Variants in TCF20 observed in about 807,000 individuals in gnomAD.
TCF20 encodes transcription factor 20.
In TCF20, 3 loss-of-function variants were observed where a neutral mutation model predicts 148.6. The observed-to-expected ratio is 0.02, with a 90% CI of 0.01 to 0.05. TCF20 has a LOEUF of 0.05. Among genes scored for constraint, TCF20 ranks in the 10% least tolerant of loss-of-function variants. The pLI is 1.00. For missense variants in TCF20, 2,350 were observed against 2,429.3 expected, an observed-to-expected ratio of 0.97 and a Z score of 0.69; for synonymous variants, 1,049 against 909.5, an observed-to-expected ratio of 1.15 and a Z score of -2.76.
intron 1 of TCF20, among the ~76,000 whole-genome samples, chr22:42,330,848 T>C (rs1927961120): frequency 6.6e-6 from 1 of 152,204 alleles, no homozygotes; most frequent in Non-Finnish European, 1.5e-5. Context: ...ATGGGGAAAC[T>C]GAGGCCTAGG....
intron 1 of TCF20, among the ~76,000 whole-genome samples, chr22:42,250,600 A>C (rs997678003): frequency 2.0e-5 from 3 of 152,134 alleles, no homozygotes; most frequent in Non-Finnish European, 4.4e-5. Flanking sequence ...TCATCAAAAG[A>C]CCTAGTTTGT....
intron 1 of TCF20, among the ~76,000 whole-genome samples, chr22:42,328,413 G>A (rs1236636404): frequency 6.6e-6 from 1 of 152,168 alleles, no homozygotes; most frequent in Non-Finnish European, 1.5e-5. Flanking sequence ...TGTGGAGGCA[G>A]CTCAGCTCTA....
chr22:42,187,102 C>G (rs1330641212), intron 2 of TCF20, among the ~76,000 whole-genome samples: 1 of 152,206 alleles, frequency 6.6e-6, no homozygotes, highest in Non-Finnish European at 1.5e-5. Flanking sequence ...CCTGTCCCTA[C>G]TCACATTAAT....
chr22:42,166,477 G>A (rs1352981897), intron 5 of TCF20, among the ~76,000 whole-genome samples: 2 of 152,132 alleles, frequency 1.3e-5, no homozygotes, highest in Admixed American at 6.5e-5. Context: ...GCGTGGTGGT[G>A]CACACCTGTA....
chr22:42,314,131 C>T lies in TCF20; in HGVS notation c.-37+29348G>A, dbSNP rs1256913237. ...CCCCGTTCCTGAGGCTGGGGCTGCC[C>T]TATAGGGGCCCCTTGTGGCCACTCC... On this transcript the variant is annotated intron_variant, in intron 1 of 1. Transcript: ENST00000515426. Among the ~76,000 whole-genome samples the T allele has an allele frequency of 2.0e-4, 31 of 152,172 alleles. 1 individual carries two copies. The highest frequency in any genetic ancestry group is 2.0e-3 in the Admixed American group (31 of 15,284).
Position 42,212,447 on chromosome 22 carries a change from A to C in TCF20, c.2859T>G (p.Pro953=). The change falls in exon 2 of 6, where the codon CCT becomes CCG. Residue 953 remains proline (P), a synonymous_variant. Transcript: ENST00000677622. Reference sequence around the variant, plus strand: ...GGTAAGACTCATGCTTGATGCTAGGAGGATGGCAGTGGTCTCCAGATTTCT... The same window carrying C: ...GGTAAGACTCATGCTTGATGCTAGGCGGATGGCAGTGGTCTCCAGATTTCT... ...NNKKSGDHCH[P]PSIKHESYRG... is the part of the protein sequence containing the mutation. The C allele has an allele frequency of 1.9e-6, 3 of 1,614,198 alleles. No homozygotes were observed. The highest frequency in any genetic ancestry group is 2.5e-6 in the Non-Finnish European group (3 of 1,180,044).
chr22:42,213,869 C>G lies in TCF20; in HGVS notation c.1437G>C (p.Leu479=), dbSNP rs376319685. ...TCTTGGAGGTCTTCTTCTGAGGAGT[C>G]AGGGCATCAGAAAGTAACATGTGCT... ...TVQHMLLSDA[L]TPQKKTSKRP... is the part of the protein sequence containing the mutation. Residue 479 remains leucine, a synonymous_variant, in exon 2 of 6, where the codon CTG becomes CTC. Coordinates refer to ENST00000677622, the MANE Select transcript of TCF20 (RefSeq NM_001378418.1). 6.2e-7 allele frequency: 1 copy of G among 1,614,184 alleles called. No homozygotes were observed. Among genetic ancestry groups the G allele is most frequent in the Non-Finnish European group, 8.5e-7 (1 of 1,180,036 alleles).
chr22:42,324,555 T>C (rs571298394), intron 1 of TCF20, among the ~76,000 whole-genome samples: 4 of 150,646 alleles, frequency 2.7e-5, no homozygotes, highest in Non-Finnish European at 5.9e-5. Context: ...TCTCCACCAT[T>C]TGAGAAAATA....
At chr22:42,296,056 G>A (rs544587780) in intron 1 of TCF20, among the ~76,000 whole-genome samples, 13 of 152,316 alleles carry the variant, frequency 8.5e-5, no homozygotes, top group African/African-American at 2.4e-4. Context: ...TTCCTCATCC[G>A]TAAAATGGGG....
intron 1 of TCF20, among the ~76,000 whole-genome samples, chr22:42,309,250 G>C (rs1927489604): frequency 6.6e-6 from 1 of 152,098 alleles, no homozygotes; most frequent in African/African-American, 2.4e-5. Flanking sequence ...GCTCCCCAAG[G>C]TCTCCACCAG....
chr22:42,302,749 A>G (rs1456298698), intron 1 of TCF20, among the ~76,000 whole-genome samples: 1 of 152,192 alleles, frequency 6.6e-6, no homozygotes, highest in Non-Finnish European at 1.5e-5. Context: ...CTCAAATCAC[A>G]GACCACCCAG....
intron 1 of TCF20, among the ~76,000 whole-genome samples, chr22:42,268,343 C>A (rs1926406818): frequency 6.6e-6 from 1 of 152,204 alleles, no homozygotes; most frequent in South Asian, 2.1e-4. Context: ...GGCCTTCACA[C>A]ACCATAAAAT....
At chr22:42,222,289 A>G (rs949001881) in intron 1 of TCF20, among the ~76,000 whole-genome samples, 1 of 152,198 alleles carries the variant, frequency 6.6e-6, no homozygotes, top group African/African-American at 2.4e-5. Flanking sequence ...AAGCTTTAGA[A>G]TAACCCCAAA....
chr22:42,211,078 C>T lies in TCF20; in HGVS notation c.4228G>A (p.Gly1410Ser). 6.2e-7 allele frequency: 1 copy of T among 1,614,156 alleles called. No homozygotes were observed. The highest frequency in any genetic ancestry group is 8.5e-7 in the Non-Finnish European group (1 of 1,180,038). The change falls in exon 2 of 6, where the codon GGT (glycine) becomes AGT (serine). Residue 1410 changes from glycine (G) to serine (S), a missense_variant. Gly to Ser is a moderately conservative substitution (Grantham distance 56, BLOSUM62 0). Coordinates refer to ENST00000677622, the MANE Select transcript of TCF20 (RefSeq NM_001378418.1). ...VQDADIEKRK[G>S]EVASDLVSPA... Reference sequence around the variant, plus strand: ...CTGACTAGGTCCGAAGCCACCTCACCTTTTCTCTTCTCTATGTCAGCATCC... The same window carrying T: ...CTGACTAGGTCCGAAGCCACCTCACTTTTTCTCTTCTCTATGTCAGCATCC...
intron 1 of TCF20, among the ~76,000 whole-genome samples, chr22:42,313,757 G>A (rs139966031): frequency 0.014 from 2,075 of 152,090 alleles, 42 homozygotes; most frequent in African/African-American, 0.047. Context: ...GTGCCACCAC[G>A]CCCAGCTCAC....
chr22:42,242,184 C>CA (rs1924465382), intron 1 of TCF20, among the ~76,000 whole-genome samples: 1 of 96,164 alleles, frequency 1.0e-5, no homozygotes, highest in Non-Finnish European at 2.0e-5. Context: ...GCCTGGGCGA[C>CA]AGAGCGAGAC....
At chr22:42,208,499 C>A (rs1010407559) in intron 2 of TCF20, among the ~76,000 whole-genome samples, 2 of 152,066 alleles carry the variant, frequency 1.3e-5, no homozygotes, top group African/African-American at 4.8e-5. Context: ...TGGTGGCACA[C>A]ACCTTTAGTC....
intron 1 of TCF20, among the ~76,000 whole-genome samples, chr22:42,314,326 G>A (rs1927591003): frequency 1.3e-5 from 2 of 152,284 alleles, no homozygotes; most frequent in Non-Finnish European, 2.9e-5. Flanking sequence ...GCTTGACACG[G>A]ACCAGCTGCC....
upstream of TCF20, among the ~76,000 whole-genome samples, chr22:42,271,505 G>C (rs1027752345): frequency 1.3e-5 from 2 of 152,196 alleles, no homozygotes; most frequent in African/African-American, 4.8e-5. Context: ...AAAGAAAATC[G>C]CAATTGTAGA....
Sources: gnomAD v4.1 joint callset for allele counts (sites outside exome capture counted in the v4.1 genomes callset) on GRCh38, gnomAD v4.1.1 for gene constraint, MANE v1.5 for transcripts, NCBI Gene and HGNC (gene_info 2026-07-23, HGNC 2026-07-21) for gene names.